Variants in DLGAP1 observed in about 807,000 individuals in gnomAD.
The protein encoded by DLGAP1 is disks large-associated protein 1.
In DLGAP1, 11 loss-of-function variants were observed where a neutral mutation model predicts 90.8. The observed-to-expected ratio is 0.12, with a 90% CI of 0.08 to 0.20. The LOEUF (loss-of-function observed/expected upper bound fraction) is 0.20, where lower values mean the gene tolerates loss of function less well. Among genes scored for constraint, DLGAP1 ranks in the 10% least tolerant of loss-of-function variants. The pLI is 1.00. For missense variants in DLGAP1, 1,050 were observed against 1,333.8 expected (o/e 0.79, Z 3.31); for synonymous variants, 558 against 540.7 (o/e 1.03, Z -0.44).
chr18:3,976,473 A>G (rs2073582773), intron 3 of DLGAP1, among the ~76,000 whole-genome samples: 1 of 152,206 alleles, frequency 6.6e-6, no homozygotes, highest in Admixed American at 6.5e-5. Context: ...CATAATTCTC[A>G]GCACCCTAGC....
At position 3,879,175 on chromosome 18, in the gene DLGAP1, G is replaced by A; in HGVS notation, c.894C>T (p.Asn298=). The change falls in exon 4 of 13, where the codon AAC becomes AAT. Residue 298 remains asparagine (N), a synonymous_variant. Coordinates refer to ENST00000315677, the MANE Select transcript of DLGAP1 (RefSeq NM_004746.4). This position sits in a 1 kb window ranked among gnomAD's most constrained non-coding sequence, Gnocchi z 6.6. ...CGGACTTCACCATGGCCTGGTCCAT[G>A]TTCACCGAGGCCTTCTGGTAAACCT... ...AREVYQKASV[N]MDQAMVKSES... is the part of the protein sequence containing the mutation. 6.6e-7 allele frequency: 1 copy of A among 1,522,566 alleles called. No homozygotes were observed. The highest frequency in any genetic ancestry group is 8.8e-7 in the Non-Finnish European group (1 of 1,135,980). The allele number at this position is 1,522,566 out of a possible 1,614,324, so 94.3% of individuals were successfully genotyped here. A position where few individuals can be genotyped will look rare whatever the true frequency, so the allele number is the denominator to read the frequency against.
intron 2 of DLGAP1, among the ~76,000 whole-genome samples, chr18:4,082,102 A>T (rs2075616407): frequency 6.6e-6 from 1 of 152,074 alleles, no homozygotes; most frequent in Non-Finnish European, 1.5e-5. Flanking sequence ...GCACCTTGGG[A>T]GGCTAAGGCG....
intron 7 of DLGAP1, among the ~76,000 whole-genome samples, chr18:3,710,338 GC>G (rs1333575088): frequency 6.6e-6 from 1 of 152,130 alleles, no homozygotes; most frequent in African/African-American, 2.4e-5. Context: ...TTTGATAGGG[GC>G]CCTACGTCAT....
chr18:4,387,565 T>C (rs751414168), intron 1 of DLGAP1, among the ~76,000 whole-genome samples: 11 of 152,340 alleles, frequency 7.2e-5, no homozygotes, highest in South Asian at 2.1e-4. Context: ...TATCTCTAAG[T>C]CCAGTGCTTT....
intron 3 of DLGAP1, among the ~76,000 whole-genome samples, chr18:3,911,061 A>T (rs1378804875): frequency 2.6e-5 from 4 of 152,198 alleles, no homozygotes; most frequent in Non-Finnish European, 5.9e-5. Flanking sequence ...AAAGCCTTAG[A>T]TGAGTACAAA....
chr18:3,657,689 G>A (rs994326295), intron 7 of DLGAP1, among the ~76,000 whole-genome samples: 7 of 148,506 alleles, frequency 4.7e-5, no homozygotes, highest in South Asian at 2.1e-4. Flanking sequence ...TGCAAGCTCC[G>A]CCTCCCGGGT....
intron 4 of DLGAP1, among the ~76,000 whole-genome samples, chr18:3,859,959 C>T (rs1336286476): frequency 6.6e-6 from 1 of 151,842 alleles, no homozygotes; most frequent in Non-Finnish European, 1.5e-5. Context: ...ATTAGCCAGG[C>T]GTGGTGGTGG....
intron 7 of DLGAP1, among the ~76,000 whole-genome samples, chr18:3,628,188 C>CT (rs71160904): frequency 0.026 from 3,177 of 123,642 alleles, 74 homozygotes; most frequent in Non-Finnish European, 0.036. Context: ...GTGCTATATT[C>CT]TTTTTTTTTT....
chr18:3,614,686 C>CAAAAAAAAA (rs35764644), intron 7 of DLGAP1, among the ~76,000 whole-genome samples: 6 of 105,006 alleles, frequency 5.7e-5, no homozygotes, highest in Admixed American at 1.1e-4. Flanking sequence ...ACTAAAAATA[C>CAAAAAAAAA]AAAAAAAAAA....
At chr18:4,269,433 A>G (rs1431398479) in intron 1 of DLGAP1, among the ~76,000 whole-genome samples, 1 of 150,114 alleles carries the variant, frequency 6.7e-6, no homozygotes, top group African/African-American at 2.4e-5. Flanking sequence ...AGCTCACTGC[A>G]AGCTCTGCCT....
intron 1 of DLGAP1, among the ~76,000 whole-genome samples, chr18:4,288,757 C>T (rs573793181): frequency 1.8e-4 from 27 of 152,234 alleles, no homozygotes; most frequent in African/African-American, 6.0e-4. Flanking sequence ...GCTTGCTGCT[C>T]GGCTCATCAT....
At chr18:4,339,773 T>C (rs2081148751) in intron 1 of DLGAP1, among the ~76,000 whole-genome samples, 1 of 152,160 alleles carries the variant, frequency 6.6e-6, no homozygotes, top group Non-Finnish European at 1.5e-5. Flanking sequence ...TGAATAGCAA[T>C]ACTTATCATT....
chr18:3,557,931 A>C (rs879899540), intron 9 of DLGAP1, among the ~76,000 whole-genome samples: 10 of 140,862 alleles, frequency 7.1e-5, no homozygotes, highest in Admixed American at 2.1e-4. Flanking sequence ...TCGTCTCACA[A>C]AAAAAAAAAA....
At chr18:3,927,195 C>A (rs1366945895) in intron 3 of DLGAP1, among the ~76,000 whole-genome samples, 4 of 152,134 alleles carry the variant, frequency 2.6e-5, no homozygotes, top group Non-Finnish European at 1.5e-5. Flanking sequence ...ATTCAGGCAA[C>A]AGTAATTCAA....
At chr18:3,897,303 A>G (rs539873222) in intron 3 of DLGAP1, among the ~76,000 whole-genome samples, 16 of 152,244 alleles carry the variant, frequency 1.1e-4, no homozygotes, top group Non-Finnish European at 1.9e-4. Context: ...ACCTGTAGAT[A>G]CAATGTGAAT....
intron 9 of DLGAP1, among the ~76,000 whole-genome samples, chr18:3,538,372 A>G (rs921405485): frequency 1.4e-5 from 2 of 145,894 alleles, no homozygotes; most frequent in African/African-American, 2.8e-5. Flanking sequence ...CTCTCAAATG[A>G]GCCAAAAAAA....
chr18:4,384,974 T>C (rs1271348410), intron 1 of DLGAP1, among the ~76,000 whole-genome samples: 1 of 140,008 alleles, frequency 7.1e-6, no homozygotes, highest in Non-Finnish European at 1.5e-5. Flanking sequence ...CTTTGCTGAT[T>C]CCGAACTCCA....
At chr18:4,379,539 C>T (rs1487803607) in intron 1 of DLGAP1, among the ~76,000 whole-genome samples, 1 of 152,074 alleles carries the variant, frequency 6.6e-6, no homozygotes, top group Non-Finnish European at 1.5e-5. Flanking sequence ...GGACATGATG[C>T]CAACTCATAC....
intron 2 of DLGAP1, among the ~76,000 whole-genome samples, chr18:4,085,488 A>T (rs1441888319): frequency 6.6e-6 from 1 of 152,218 alleles, no homozygotes; most frequent in Non-Finnish European, 1.5e-5. Context: ...CATTTTGGGC[A>T]AGACTAAGTT....
Sources: allele counts gnomAD v4.1 joint callset (sites outside exome capture counted in the v4.1 genomes callset), GRCh38; gene constraint gnomAD v4.1.1; non-coding constraint Gnocchi (gnomAD v3.1); transcripts MANE v1.5; gene names NCBI Gene and HGNC (gene_info 2026-07-23, HGNC 2026-07-21).